Variants in AMH observed in about 807,000 individuals in gnomAD.
The protein encoded by AMH is anti-Muellerian hormone.
In AMH, 39 loss-of-function variants were observed where a neutral mutation model predicts 33.3. The observed-to-expected ratio is 1.17, with a 90% CI of 0.91 to 1.53. The LOEUF is 1.53. Ranked by LOEUF, AMH falls within the 40% of genes most tolerant of loss-of-function variation. The pLI, the probability that AMH is intolerant of heterozygous loss-of-function variation, is 0.00. For synonymous variants in AMH, 536 were observed against 403.0 expected, an observed-to-expected ratio of 1.33 and a Z score of -3.95; for missense variants, 1,019 against 799.8, an observed-to-expected ratio of 1.27 and a Z score of -3.30.
intron 1 of AMH, chr19:2,250,077 C>T (rs1005856129): frequency 3.1e-6 from 2 of 640,016 alleles, no homozygotes; most frequent in African/African-American, 1.8e-5. Context: ...GCCTAAGATA[C>T]TCCCTGCGGG....
chr19:2,251,954 G>A lies in AMH; in HGVS notation c.1680G>A (p.Arg560=), dbSNP rs753777434. 3.2e-5 allele frequency: 50 copies of A among 1,544,454 alleles called. No individual in the cohort carries two copies. The highest frequency in any genetic ancestry group is 4.3e-5 in the Non-Finnish European group (50 of 1,153,048). The stretch of plus-strand genomic sequence containing the variant: ...TGGTGGCCACCGAGTGTGGCTGCCG[G>A]TGACCCCTGCGCCGCGCGGACTCCT... The part of the protein sequence containing the change: ...PNMVATECGC[R] Residue 560 remains arginine, a synonymous_variant, in exon 5 of 5, where the codon CGG becomes CGA. Transcript: ENST00000221496.
Position 2,251,840 on chromosome 19 carries a change from C to T in AMH, c.1566C>T (p.Arg522=), listed in dbSNP as rs781496155. 1.3e-5 allele frequency: 21 copies of T among 1,598,588 alleles called. No homozygotes were observed. The highest frequency in any genetic ancestry group is 1.4e-5 in the Non-Finnish European group (17 of 1,177,188). The part of the protein sequence containing the change: ...KMQVRGAALA[R]PPCCVPTAYA... The stretch of plus-strand genomic sequence containing the variant: ...AGGTCCGTGGGGCCGCCCTGGCGCG[C>T]CCACCCTGCTGCGTGCCCACCGCCT... The change falls in exon 5 of 5, where the codon CGC becomes CGT. Residue 522 remains arginine, a synonymous_variant. Transcript: ENST00000221496.
Position 2,251,173 on chromosome 19 carries a change from C to T in AMH, c.899C>T (p.Ala300Val). 9.2e-6 allele frequency: 14 copies of T among 1,514,304 alleles called. No homozygotes were observed. Among genetic ancestry groups the T allele is most frequent in the Non-Finnish European group, 1.1e-5 (12 of 1,137,876 alleles). 93.8% of individuals were successfully genotyped at this position (1,514,304 alleles called of 1,614,324 possible). Residue 300 changes from alanine (A) to valine (V), a missense_variant, in exon 5 of 5, where the codon GCG (alanine) becomes GTG (valine). Physicochemically the swap from Ala to Val is moderately conservative, Grantham distance 64. Coordinates refer to ENST00000221496, the MANE Select transcript of AMH (RefSeq NM_000479.5). The part of the protein sequence containing the change: ...FLETLTRLVR[A>V]LRVPPARASA... ...GAGACGCTCACGCGCCTGGTGCGGG[C>T]GCTGCGGGTCCCCCCGGCCCGGGCC...
Position 2,251,427 on chromosome 19 carries a change from G to C in AMH, c.1153G>C (p.Ala385Pro). 1 of 1,441,424 alleles carries C rather than the reference G, an allele frequency of 6.9e-7. No individual in the cohort carries two copies. Among genetic ancestry groups the C allele is most frequent in the Non-Finnish European group, 9.1e-7 (1 of 1,102,848 alleles). 89.3% of individuals were successfully genotyped at this position (1,441,424 alleles called of 1,614,324 possible). ...LARRVAAELQAAAAELRSLPG... is the reference protein window; with the variant it reads ...LARRVAAELQPAAAELRSLPG... ...GCGCCGCGTGGCTGCTGAACTGCAA[G>C]CGGCGGCTGCCGAGCTGCGAAGCCT... Residue 385 changes from alanine (A) to proline (P), a missense_variant, in exon 5 of 5, where the codon GCG becomes CCG. Physicochemically the swap from Ala to Pro is conservative, Grantham distance 27. Coordinates refer to ENST00000221496, the MANE Select transcript of AMH (RefSeq NM_000479.5).
chr19:2,250,162 C>T (rs1315944360), intron 1 of AMH, 175 bp from the exon 2 acceptor site: 33 of 1,103,674 alleles, frequency 3.0e-5, no homozygotes, highest in Non-Finnish European at 3.7e-5. Flanking sequence ...GACGCAGCCC[C>T]TGCCTGCCCC....
At position 2,249,605 on chromosome 19, in the gene AMH, C is replaced by A; in HGVS notation, c.273C>A (p.Arg91=). ...QAFLGAVQRA[R]WGPRDLATFG... ...TCCTGGGGGCCGTGCAGAGGGCCCG[C>A]TGGGGCCCCCGAGACCTGGCCACCT... Residue 91 remains arginine, a synonymous_variant, in exon 1 of 5, where the codon CGC becomes CGA. Coordinates refer to ENST00000221496, the MANE Select transcript of AMH (RefSeq NM_000479.5). 6.5e-7 allele frequency: 1 copy of A among 1,548,066 alleles called. No homozygotes were observed. The highest frequency in any genetic ancestry group is 8.7e-7 in the Non-Finnish European group (1 of 1,148,616).
At chr19:2,250,106 A>G (rs1261763226) in intron 1 of AMH, 2 of 681,164 alleles carry the variant, frequency 2.9e-6, no homozygotes, top group Admixed American at 5.4e-5. Flanking sequence ...TTCATCGGGC[A>G]CCCCAACCCA....
chr19:2,251,793 G>T lies in AMH; in HGVS notation c.1519G>T (p.Val507Leu). 1 of 1,609,510 alleles carries T rather than the reference G, an allele frequency of 6.2e-7. No homozygotes were observed. Among genetic ancestry groups the T allele is most frequent in the Non-Finnish European group, 8.5e-7 (1 of 1,179,454 alleles). The change falls in exon 5 of 5, where the codon GTG (valine) becomes TTG (leucine). Residue 507 changes from valine to leucine, a missense_variant. Coordinates refer to ENST00000221496, the MANE Select transcript of AMH (RefSeq NM_000479.5). ...SDRNPRYGNHVVLLLKMQVRG... is the reference protein window; with the variant it reads ...SDRNPRYGNHLVLLLKMQVRG... The stretch of plus-strand genomic sequence containing the variant: ...CCGCAACCCGCGCTACGGCAACCAC[G>T]TGGTGCTGCTGCTGAAGATGCAGGT...
rs546849156 is a variant in AMH at position 2,250,998 on chromosome 19, C to T, written c.814C>T (p.Pro272Ser). ...CGGCCAGCTGGACACCGTGCCCTTC[C>T]CGCCGCCCAGGTGCGCGCAGGCACC... is the stretch of plus-strand genomic sequence containing the variant. Reference protein sequence around the residue: ...AHGQLDTVPFPPPRPSAELEE... With the variant: ...AHGQLDTVPFSPPRPSAELEE... Residue 272 changes from proline to serine, a missense_variant, in exon 4 of 5, where the codon CCG becomes TCG. Pro to Ser is a moderately conservative substitution (Grantham distance 74). Coordinates refer to ENST00000221496, the MANE Select transcript of AMH (RefSeq NM_000479.5). The T allele has an allele frequency of 7.3e-6, 11 of 1,514,502 alleles. No homozygotes were observed. In the Admixed American group the frequency reaches 2.2e-4, roughly 31 times the overall value. 93.8% of individuals were successfully genotyped at this position (1,514,502 alleles called of 1,614,324 possible).
chr19:2,251,308 C>CGCTGCT lies in AMH; in HGVS notation c.1045_1050dup (p.Leu349_Leu350dup). ...GAGCGCCTACTCGACGGCGAGGAGC[C>CGCTGCT]GCTGCTGCTGCTGCTGAGGCCCACT... On this transcript the variant is annotated inframe_insertion, in exon 5 of 5. Coordinates refer to ENST00000221496, the MANE Select transcript of AMH (RefSeq NM_000479.5). 1.3e-6 allele frequency: 2 copies of CGCTGCT among 1,502,528 alleles called. No individual in the cohort carries two copies. Among genetic ancestry groups the CGCTGCT allele is most frequent in the Non-Finnish European group, 8.8e-7 (1 of 1,133,528 alleles). The allele number at this position is 1,502,528 out of a possible 1,614,324, so 93.1% of individuals were successfully genotyped here. A position where few individuals can be genotyped will look rare whatever the true frequency, so the allele number is the denominator to read the frequency against.
chr19:2,250,112 A>G (rs2025002527), intron 1 of AMH: 7 of 718,024 alleles, frequency 9.7e-6, no homozygotes, highest in Non-Finnish European at 1.6e-5. Context: ...GGGCACCCCA[A>G]CCCAGAGACC....
chr19:2,250,817 C>A, intron 3 of AMH, 32 bp from the exon 4 acceptor site: 1 of 1,544,784 alleles, frequency 6.5e-7, no homozygotes, highest in Non-Finnish European at 8.7e-7. Flanking sequence ...GGCCCCCAGC[C>A]CCTGAGCCAG....
rs1051486104 is a variant in AMH at position 2,250,488 on chromosome 19, G to A, written c.555+9G>A. The A allele has an allele frequency of 1.3e-6, 2 of 1,547,362 alleles. No homozygotes were observed. The highest frequency in any genetic ancestry group is 2.4e-5 in the South Asian group (2 of 84,068). ...GGCTGCCGGGTGCCCAGGTACCAGGGAGTTGCATGGGGCAGTGCCCGGGCC... is the reference window on the plus strand; with the variant it reads ...GGCTGCCGGGTGCCCAGGTACCAGGAAGTTGCATGGGGCAGTGCCCGGGCC... On this transcript the variant is annotated intron_variant, in intron 2 of 4. Coordinates refer to ENST00000221496, the MANE Select transcript of AMH (RefSeq NM_000479.5).
chr19:2,251,515 GC>G lies in AMH; in HGVS notation c.1245del (p.Gly416AlafsTer13). 1.5e-6 allele frequency: 2 copies of G among 1,340,280 alleles called. No individual in the cohort carries two copies. Among genetic ancestry groups the G allele is most frequent in the East Asian group, 3.2e-5 (1 of 31,182 alleles). 83.0% of individuals were successfully genotyped at this position (1,340,280 alleles called of 1,614,324 possible). ...CGCCTGCTCGCGCTCTGCCCAGGTG[GC>G]CCCGGCGGCCTCGGCGATCCCCTGC... ...LARLLALCPG[G>X]PGGLGDPLRA... On this transcript the variant is annotated frameshift_variant, in exon 5 of 5. Coordinates refer to ENST00000221496, the MANE Select transcript of AMH (RefSeq NM_000479.5). LOFTEE classifies it high-confidence loss of function.
chr19:2,250,713 C>A lies in AMH; in HGVS notation c.617C>A (p.Ala206Asp), dbSNP rs369233684. 3.9e-6 allele frequency: 6 copies of A among 1,538,662 alleles called. No individual in the cohort carries two copies. The highest frequency in any genetic ancestry group is 5.2e-6 in the Non-Finnish European group (6 of 1,147,758). ...TTAGCGGTGGACCGCCCTGCGGGGG[C>A]CTGGCGCGGCTCCGGGCTGGCCTTG... ...LVLAVDRPAGAWRGSGLALTL... is the reference protein window; with the variant it reads ...LVLAVDRPAGDWRGSGLALTL... Residue 206 changes from alanine to aspartate, a missense_variant, in exon 3 of 5, where the codon GCC becomes GAC. By Grantham distance (126) the Ala-to-Asp change is moderately radical. Coordinates refer to ENST00000221496, the MANE Select transcript of AMH (RefSeq NM_000479.5).
chr19:2,250,047 G>C, intron 1 of AMH: 2 of 620,630 alleles, frequency 3.2e-6, no homozygotes, highest in South Asian at 2.0e-5. Context: ...CACAGCCCCA[G>C]CCTGTTCTCA....
In AMH at chr19:2,252,011, G is replaced by A; in HGVS notation, c.*54G>A. ...AGGGTCCGGACGCGCCCCAGCTCGC[G>A]CCCCTTCCCATATTTATTCGGACCC... On this transcript the variant is annotated 3_prime_UTR_variant, in exon 5 of 5. Coordinates refer to ENST00000221496, the MANE Select transcript of AMH (RefSeq NM_000479.5). The A allele has an allele frequency of 2.6e-6, 4 of 1,526,438 alleles. No individual in the cohort carries two copies. Among genetic ancestry groups the A allele is most frequent in the Admixed American group, 4.0e-5 (2 of 50,566 alleles). The allele number at this position is 1,526,438 out of a possible 1,614,324, so 94.6% of individuals were successfully genotyped here. A position where few individuals can be genotyped will look rare whatever the true frequency, so the allele number is the denominator to read the frequency against.
In AMH at chr19:2,250,354, C is replaced by G. The variant is rs951526274; in HGVS notation, c.430C>G (p.Pro144Ala). Reference protein sequence around the residue: ...HLEEVTWEPTPSLRFQEPPPG... With the variant: ...HLEEVTWEPTASLRFQEPPPG... ...GGCTGCAGTGACCTGGGAGCCAACACCCTCGCTGAGGTTCCAGGAGCCCCC... is the reference window on the plus strand; with the variant it reads ...GGCTGCAGTGACCTGGGAGCCAACAGCCTCGCTGAGGTTCCAGGAGCCCCC... Residue 144 changes from proline (P) to alanine (A), a missense_variant, in exon 2 of 5, where the codon CCC becomes GCC. Pro to Ala is a conservative substitution (Grantham distance 27). Coordinates refer to ENST00000221496, the MANE Select transcript of AMH (RefSeq NM_000479.5). The G allele has an allele frequency of 1.7e-5, 27 of 1,598,232 alleles. No individual in the cohort carries two copies. The highest frequency in any genetic ancestry group is 6.7e-5 in the African/African-American group (5 of 74,790).
At chr19:2,249,776 GCCGTCTTCCTT>G in intron 1 of AMH, 32 bp downstream of exon 1, 2 of 1,475,864 alleles carry the variant, frequency 1.4e-6, no homozygotes, top group Non-Finnish European at 1.8e-6. Context: ...GCTTGGCACC[GCCGTCTTCCTT>G]CAGGTGGGCC....
Sources: allele counts gnomAD v4.1 joint callset, GRCh38; gene constraint gnomAD v4.1.1; transcripts MANE v1.5; gene names NCBI Gene and HGNC (gene_info 2026-07-23, HGNC 2026-07-21).